The following C8orf58 variants were observed in gnomAD, a reference collection of about 807,000 sequenced individuals.
C8orf58 encodes chromosome 8 open reading frame 58.
C8orf58 carries 31 observed loss-of-function variants against 36.8 expected under a neutral mutation model. The observed-to-expected ratio is 0.84, with a 90% confidence interval of 0.63 to 1.14. The LOEUF is 1.14. Ranked by LOEUF, C8orf58 falls within the 50% of genes most tolerant of loss-of-function variation. C8orf58 has a pLI of 0.00. For synonymous variants in C8orf58, 230 were observed against 200.2 expected (o/e 1.15, Z -1.26); for missense variants, 538 against 480.8 (o/e 1.12, Z -1.11).
chr8:22,601,234 G>T lies in C8orf58; in HGVS notation c.393G>T (p.Leu131Phe), dbSNP rs1212277016. Residue 131 changes from leucine (L) to phenylalanine (F), a missense_variant, in exon 2 of 7, where the codon TTG (leucine) becomes TTT (phenylalanine). Transcript: ENST00000289989. ...GGCTCCCAACAGCTCCCACCAGCTT[G>T]TCAGGACAACACCGCTCCCTGCGGC... ...SRRLPTAPTS[L>F]SGQHRSLRLA... The T allele has an allele frequency of 6.2e-7, 1 of 1,610,402 alleles. No individual in the cohort carries two copies. Among genetic ancestry groups the T allele is most frequent in the Non-Finnish European group, 8.5e-7 (1 of 1,179,016 alleles).
chr8:22,599,609 G>T lies in C8orf58; in HGVS notation c.-112G>T. The T allele has an allele frequency of 2.1e-6, 1 of 466,104 alleles. No individual in the cohort carries two copies. The highest frequency in any genetic ancestry group is 2.4e-5 in the African/African-American group (1 of 41,906). 28.9% of individuals were successfully genotyped at this position (466,104 alleles called of 1,614,324 possible). Reference sequence around the variant, plus strand: ...CCAGCCCCGCTGGGAGTGTCTGGGGGCCGCGCCCAGCTGGGTCGGGACGCG... The same window carrying T: ...CCAGCCCCGCTGGGAGTGTCTGGGGTCCGCGCCCAGCTGGGTCGGGACGCG... On this transcript the variant is annotated 5_prime_UTR_variant, in exon 1 of 7. Coordinates refer to ENST00000289989, the MANE Select transcript of C8orf58 (RefSeq NM_001013842.3).
At position 22,601,491 on chromosome 8, in the gene C8orf58, C is replaced by T. The variant is rs933008759; in HGVS notation, c.516+134C>T. 1.1e-5 allele frequency: 10 copies of T among 933,686 alleles called. No individual in the cohort carries two copies. In the African/African-American group the frequency reaches 1.3e-4, roughly 12 times the overall value. 57.8% of individuals were successfully genotyped at this position (933,686 alleles called of 1,614,324 possible). A position where few individuals can be genotyped will look rare whatever the true frequency, so the allele number is the denominator to read the frequency against. On this transcript the variant is annotated intron_variant, in intron 2 of 6. Coordinates refer to ENST00000289989, the MANE Select transcript of C8orf58 (RefSeq NM_001013842.3). Reference sequence around the variant, plus strand: ...GGTTGTGTCATAGGTTCTTTCTGCACCCCAGTTCCATTTGTGCACGGCCAC... The same window carrying T: ...GGTTGTGTCATAGGTTCTTTCTGCATCCCAGTTCCATTTGTGCACGGCCAC...
Position 22,599,662 on chromosome 8 carries a change from GA to G in C8orf58, c.-58del. The G allele has an allele frequency of 1.0e-6, 1 of 988,500 alleles. No homozygotes were observed. Among genetic ancestry groups the G allele is most frequent in the East Asian group, 3.5e-5 (1 of 28,194 alleles). 61.2% of individuals were successfully genotyped at this position (988,500 alleles called of 1,614,324 possible). On this transcript the variant is annotated 5_prime_UTR_variant, in exon 1 of 7. Coordinates refer to ENST00000289989, the MANE Select transcript of C8orf58 (RefSeq NM_001013842.3). ...CCCTGAGCTGCCCGAGCTCCGCGGG[GA>G]CTCGGGCCGGGATCCTCGGGCGGCT...
At position 22,600,942 on chromosome 8, in the gene C8orf58, G is replaced by C; in HGVS notation, c.101G>C (p.Arg34Thr). 1 of 1,612,384 alleles carries C rather than the reference G, an allele frequency of 6.2e-7. No homozygotes were observed. Among genetic ancestry groups the C allele is most frequent in the Non-Finnish European group, 8.5e-7 (1 of 1,179,968 alleles). ...CIVPGVTSTY[R>T]RIPDAAHGCS... ...GTGCCTGGAGTCACCAGCACCTACA[G>C]ACGGATCCCCGACGCTGCCCACGGG... is the stretch of plus-strand genomic sequence containing the variant. The change falls in exon 2 of 7, where the codon AGA (arginine) becomes ACA (threonine). Residue 34 changes from arginine (R) to threonine (T), a missense_variant. By Grantham distance (71) the Arg-to-Thr change is moderately conservative. Transcript: ENST00000289989.
chr8:22,600,955 C>T lies in C8orf58; in HGVS notation c.114C>T (p.Asp38=), dbSNP rs774073103. The T allele has an allele frequency of 3.1e-6, 5 of 1,612,456 alleles. No homozygotes were observed. The highest frequency in any genetic ancestry group is 1.1e-5 in the South Asian group (1 of 91,070). ...CCAGCACCTACAGACGGATCCCCGA[C>T]GCTGCCCACGGGTGCTCATCCTGGG... The part of the protein sequence containing the change: ...GVTSTYRRIP[D]AAHGCSSWER... Residue 38 remains aspartate, a synonymous_variant, in exon 2 of 7, where the codon GAC becomes GAT. Transcript: ENST00000289989.
At chr8:22,599,892 G>T in intron 1 of C8orf58, 132 bp downstream of exon 1, 1 of 399,082 alleles carries the variant, frequency 2.5e-6, no homozygotes, top group Middle Eastern at 6.8e-4. Context: ...GCGCCGCTGC[G>T]CCTCCCTCGC....
intron 5 of C8orf58, 101 bp downstream of exon 5, chr8:22,602,413 G>A (rs918910107): frequency 3.1e-5 from 40 of 1,309,064 alleles, no homozygotes; most frequent in Non-Finnish European, 4.2e-5. Context: ...CTGGGGAAAT[G>A]ACAGGATTGA....
intron 1 of C8orf58, 27 bp from the exon 2 acceptor site, chr8:22,600,855 C>T (rs376856636): frequency 4.5e-6 from 7 of 1,558,682 alleles, no homozygotes; most frequent in Non-Finnish European, 6.1e-6. Context: ...GGTGGCCTGC[C>T]CAGCCTGACG....
intron 5 of C8orf58, 56 bp downstream of exon 5, chr8:22,602,368 T>TGGGGGGGGG: frequency 3.0e-6 from 1 of 328,372 alleles, no homozygotes; most frequent in Non-Finnish European, 5.9e-6. Flanking sequence ...GGAGGGGAGG[T>TGGGGGGGGG]GGGGGATGCA....
chr8:22,599,894 C>A, intron 1 of C8orf58, 134 bp downstream of exon 1: 1 of 401,686 alleles, frequency 2.5e-6, no homozygotes, highest in South Asian at 1.3e-4. Flanking sequence ...GCCGCTGCGC[C>A]TCCCTCGCCG....
Position 22,601,229 on chromosome 8 carries a change from A to G in C8orf58, c.388A>G (p.Ser130Gly), listed in dbSNP as rs759842480. 1.2e-6 allele frequency: 2 copies of G among 1,610,396 alleles called. No individual in the cohort carries two copies. Among genetic ancestry groups the G allele is most frequent in the African/African-American group, 2.7e-5 (2 of 75,010 alleles). The change falls in exon 2 of 7, where the codon AGC (serine) becomes GGC (glycine). Residue 130 changes from serine to glycine, a missense_variant. Transcript: ENST00000289989. ...CCGCCGGCTCCCAACAGCTCCCACCAGCTTGTCAGGACAACACCGCTCCCT... is the reference window on the plus strand; with the variant it reads ...CCGCCGGCTCCCAACAGCTCCCACCGGCTTGTCAGGACAACACCGCTCCCT... ...RSRRLPTAPT[S>G]LSGQHRSLRL...
Position 22,601,008 on chromosome 8 carries a change from G to C in C8orf58, c.167G>C (p.Gly56Ala). Residue 56 changes from glycine (G) to alanine (A), a missense_variant, in exon 2 of 7, where the codon GGC becomes GCC. Transcript: ENST00000289989. ...WERGDKFRGV[G>A]REALFLKLAS... ...AGAGGTGACAAGTTCAGAGGTGTCG[G>C]CAGGGAGGCACTCTTTCTCAAACTG... 6.2e-7 allele frequency: 1 copy of C among 1,612,788 alleles called. No individual in the cohort carries two copies. Among genetic ancestry groups the C allele is most frequent in the Non-Finnish European group, 8.5e-7 (1 of 1,180,006 alleles).
chr8:22,600,580 G>C, intron 1 of C8orf58: 1 of 404,252 alleles, frequency 2.5e-6, no homozygotes, highest in South Asian at 3.0e-5. Flanking sequence ...ATCGTGGGCT[G>C]ATCCTAGGTG....
intron 1 of C8orf58, 172 bp downstream of exon 1, chr8:22,599,932 A>G (rs931027233): frequency 2.7e-5 from 10 of 372,048 alleles, no homozygotes; most frequent in Admixed American, 4.6e-5. Flanking sequence ...TCATCAGGGG[A>G]CGCCATGCAG....
At chr8:22,600,856 C>G (rs759692286) in intron 1 of C8orf58, 26 bp from the exon 2 acceptor site, 2 of 1,560,620 alleles carry the variant, frequency 1.3e-6, no homozygotes, top group Non-Finnish European at 1.7e-6. Context: ...GTGGCCTGCC[C>G]AGCCTGACGC....
At chr8:22,599,988 G>T (rs1800803550) in intron 1 of C8orf58, 1 of 356,650 alleles carries the variant, frequency 2.8e-6, no homozygotes, top group Non-Finnish European at 5.0e-6. Context: ...CACCGCCTCC[G>T]CCCCACTTCC....
Position 22,603,414 on chromosome 8 carries a change from C to G in C8orf58, c.*108C>G. 2.5e-6 allele frequency: 2 copies of G among 789,542 alleles called. No homozygotes were observed. The highest frequency in any genetic ancestry group is 4.4e-6 in the Non-Finnish European group (2 of 449,518). The allele number at this position is 789,542 out of a possible 1,614,324, so 48.9% of individuals were successfully genotyped here. A position where few individuals can be genotyped will look rare whatever the true frequency, so the allele number is the denominator to read the frequency against. ...CCACATTGCCAGGAAAAGCTGCTGA[C>G]GCCTGCCCTCCTCTCTTGAGTCGAG... is the stretch of plus-strand genomic sequence containing the variant. On this transcript the variant is annotated 3_prime_UTR_variant, in exon 7 of 7. Coordinates refer to ENST00000289989, the MANE Select transcript of C8orf58 (RefSeq NM_001013842.3).
At position 22,603,516 on chromosome 8, in the gene C8orf58, A is replaced by G. The variant is rs1800939854; in HGVS notation, c.*210A>G. The G allele has an allele frequency of 1.6e-6, 1 of 606,824 alleles. No individual in the cohort carries two copies. The allele number at this position is 606,824 out of a possible 1,614,324, so 37.6% of individuals were successfully genotyped here. On this transcript the variant is annotated 3_prime_UTR_variant, in exon 7 of 7. Coordinates refer to ENST00000289989, the MANE Select transcript of C8orf58 (RefSeq NM_001013842.3). ...GAGGCCCCCAAGATGCCGCAGCTCC[A>G]GGGCTCTTCCTCCTCACCAGAAATC... is the stretch of plus-strand genomic sequence containing the variant.
Position 22,603,432 on chromosome 8 carries a change from G to A in C8orf58, c.*126G>A, listed in dbSNP as rs1800937328. Reference sequence around the variant, plus strand: ...CTGCTGACGCCTGCCCTCCTCTCTTGAGTCGAGGGCTGAATCTTTCTCCTC... The same window carrying A: ...CTGCTGACGCCTGCCCTCCTCTCTTAAGTCGAGGGCTGAATCTTTCTCCTC... On this transcript the variant is annotated 3_prime_UTR_variant, in exon 7 of 7. Transcript: ENST00000289989. 6.8e-6 allele frequency: 5 copies of A among 738,948 alleles called. No homozygotes were observed. The highest frequency in any genetic ancestry group is 1.7e-5 in the African/African-American group (1 of 57,896). The allele number at this position is 738,948 out of a possible 1,614,324, so 45.8% of individuals were successfully genotyped here. A position where few individuals can be genotyped will look rare whatever the true frequency, so the allele number is the denominator to read the frequency against.
Sources: allele counts gnomAD v4.1 joint callset, GRCh38; gene constraint gnomAD v4.1.1; transcripts MANE v1.5; gene names NCBI Gene and HGNC (gene_info 2026-07-23, HGNC 2026-07-21).